The following YAE1 variants were observed in gnomAD, a reference collection of about 807,000 sequenced individuals.
YAE1 encodes protein YAE1 homolog.
Under a neutral mutation model 23.0 loss-of-function variants are expected in YAE1, and 22 were observed. That is an observed-to-expected ratio of 0.96 (90% CI 0.68 to 1.37). The LOEUF is 1.37. Among genes scored for constraint, YAE1 ranks in the 40% most tolerant of loss-of-function variants. The pLI is 0.00. For synonymous variants in YAE1, 101 were observed against 97.0 expected (o/e 1.04, Z -0.24); for missense variants, 260 against 262.1 (o/e 0.99, Z 0.06).
At chr7:39,594,469 T>C (rs1296601990) in intron 2 of YAE1, among the ~76,000 whole-genome samples, 1 of 152,222 alleles carries the variant, frequency 6.6e-6, no homozygotes, top group Non-Finnish European at 1.5e-5. Context: ...ATTTGATTCC[T>C]TTCCATTTTC....
At chr7:39,569,579 A>T (rs541053375) in intron 1 of YAE1, 2 of 561,444 alleles carry the variant, frequency 3.6e-6, no homozygotes, top group East Asian at 8.4e-5. Context: ...TTTCTGAAGG[A>T]CAAAGGCAAC....
intron 2 of YAE1, among the ~76,000 whole-genome samples, chr7:39,597,720 T>C (rs1191450950): frequency 6.6e-6 from 1 of 152,118 alleles, no homozygotes; most frequent in Non-Finnish European, 1.5e-5. Context: ...GGCCCGAAAG[T>C]AGGATTATTT....
rs555757481 is a variant in YAE1 at position 39,606,795 on chromosome 7, AT to A, written c.252-2819del. Among the ~76,000 whole-genome samples the A allele has an allele frequency of 5.6e-4, 86 of 152,352 alleles. 1 individual carries two copies. The highest frequency in any genetic ancestry group is 1.9e-3 in the African/African-American group (81 of 41,586). ...AACTATTGAATAAGTTAAAATCCAAATTTCATCAAATTGTATAACTGCAGAA... is the reference window on the plus strand; with the variant it reads ...AACTATTGAATAAGTTAAAATCCAAATTCATCAAATTGTATAACTGCAGAA... On this transcript the variant is annotated intron_variant, in intron 2 of 2. Coordinates refer to the YAE1 transcript ENST00000432096.
chr7:39,584,785 G>A (rs1209879406), intron 2 of YAE1, among the ~76,000 whole-genome samples: 5 of 152,268 alleles, frequency 3.3e-5, no homozygotes, highest in East Asian at 1.9e-4. Context: ...ATGGGAGGCC[G>A]GGTTGGGAGG....
intron 2 of YAE1, among the ~76,000 whole-genome samples, chr7:39,604,397 A>G (rs570788738): frequency 2.8e-4 from 42 of 152,320 alleles, no homozygotes; most frequent in African/African-American, 9.6e-4. Context: ...ATCAGGATTT[A>G]CTTCTTAGTG....
chr7:39,574,834 G>T (rs1373682276), downstream of YAE1, among the ~76,000 whole-genome samples: 2 of 151,950 alleles, frequency 1.3e-5, no homozygotes, highest in Admixed American at 6.6e-5. Flanking sequence ...GAGTGCAGAA[G>T]GTTGAGGCTG....
At chr7:39,604,850 A>G (rs1270651175) in intron 2 of YAE1, among the ~76,000 whole-genome samples, 1 of 152,202 alleles carries the variant, frequency 6.6e-6, no homozygotes, top group Non-Finnish European at 1.5e-5. Context: ...ATCATATACT[A>G]TGAGGATTAG....
intron 2 of YAE1, 57 bp from the exon 3 acceptor site, chr7:39,572,220 G>A (rs60942815): frequency 0.098 from 145,968 of 1,487,600 alleles, 8,545 homozygotes; most frequent in African/African-American, 0.25. Context: ...TTGAAAGATA[G>A]TCTTATATTT....
chr7:39,590,991 C>T (rs541487881), intron 2 of YAE1, among the ~76,000 whole-genome samples: 33 of 152,298 alleles, frequency 2.2e-4, no homozygotes, highest in African/African-American at 7.0e-4. Flanking sequence ...TATTTTCTCA[C>T]AGTTCTGGAG....
Position 39,572,497 on chromosome 7 carries a change from G to T in YAE1, c.472G>T (p.Glu158Ter). The change falls in exon 3 of 3, where the codon GAA (glutamate) becomes TAA (stop). Residue 158 changes from glutamate to a stop codon, truncating the protein, a stop_gained. Transcript: ENST00000223273. LOFTEE classifies it high-confidence loss of function. Reference protein sequence around the residue: ...AEKKIDEAKDERLCENNAEFN... With the variant: ...AEKKIDEAKD ...GAAAAAGATTGATGAAGCTAAAGAT[G>T]AAAGACTCTGTGAAAATAATGCTGA... The T allele has an allele frequency of 6.2e-7, 1 of 1,614,108 alleles. No homozygotes were observed. Among genetic ancestry groups the T allele is most frequent in the South Asian group, 1.1e-5 (1 of 91,072 alleles).
Position 39,566,493 on chromosome 7 carries a change from C to A in YAE1, c.75C>A (p.Asp25Glu). 1 of 1,614,182 alleles carries A rather than the reference C, an allele frequency of 6.2e-7. No homozygotes were observed. Among genetic ancestry groups the A allele is most frequent in the Non-Finnish European group, 8.5e-7 (1 of 1,180,026 alleles). ...GGGACGTGTTTGACGAAGAAGCAGA[C>A]GAGTCGCTCCTGGCGCAGCGGGAAT... ...DKGDVFDEEA[D>E]ESLLAQREWQ... is the part of the protein sequence containing the mutation. Residue 25 changes from aspartate (D) to glutamate (E), a missense_variant, in exon 1 of 3, where the codon GAC becomes GAA. By Grantham distance (45) the Asp-to-Glu change is conservative (BLOSUM62 2). Transcript: ENST00000223273.
At position 39,572,568 on chromosome 7, in the gene YAE1, A is replaced by T. The variant is rs187716135; in HGVS notation, c.543A>T (p.Ser181=). 3 of 1,614,176 alleles carry T rather than the reference A, an allele frequency of 1.9e-6. No individual in the cohort carries two copies. The highest frequency in any genetic ancestry group is 2.5e-6 in the Non-Finnish European group (3 of 1,179,986). The change falls in exon 3 of 3, where the codon TCA becomes TCT. Residue 181 remains serine (S), a synonymous_variant. Transcript: ENST00000223273. ...AGAGCCATAGTGGGATAGATTGTTC[A>T]TATGTAGAATGTTGTAGAACACAGG... is the stretch of plus-strand genomic sequence containing the variant. ...CSKSHSGIDC[S]YVECCRTQEH...
intron 2 of YAE1, among the ~76,000 whole-genome samples, chr7:39,571,262 ATTTTTTC>A (rs1412540065): frequency 6.8e-6 from 1 of 146,064 alleles, no homozygotes; most frequent in Non-Finnish European, 1.5e-5. Flanking sequence ...TTTTCATGAT[ATTTTTTC>A]TTTTTTCTTT....
downstream of YAE1, among the ~76,000 whole-genome samples, chr7:39,576,880 T>G (rs934326907): frequency 6.6e-6 from 1 of 152,210 alleles, no homozygotes; most frequent in Non-Finnish European, 1.5e-5. Flanking sequence ...GTTACATTCT[T>G]TTGTAAATCT....
chr7:39,566,428 G>C lies in YAE1; in HGVS notation c.10G>C (p.Val4Leu). 6.2e-7 allele frequency: 1 copy of C among 1,614,102 alleles called. No homozygotes were observed. The highest frequency in any genetic ancestry group is 8.5e-7 in the Non-Finnish European group (1 of 1,179,948). Residue 4 changes from valine (V) to leucine (L), a missense_variant, in exon 1 of 3, where the codon GTT becomes CTT. By Grantham distance (32) the Val-to-Leu change is conservative. Transcript: ENST00000223273. MSW[V>L]QAASLIQGPG... is the part of the protein sequence containing the mutation. ...CGTAATTGCCTCGGTGATGTCGTGG[G>C]TTCAAGCAGCCTCCTTGATCCAGGG...
chr7:39,579,970 A>C (rs1790717438), intron 2 of YAE1, among the ~76,000 whole-genome samples: 2 of 152,162 alleles, frequency 1.3e-5, no homozygotes, highest in Admixed American at 1.3e-4. Flanking sequence ...ACCTGAGCCC[A>C]GGAGCTTGAG....
rs142347748 is a variant in YAE1, at chr7:39,567,905, G to A, written c.129+1358G>A. ...CCCCTTCTTGTAAGGTGAAAACTAT[G>A]TATGCCCTTTAAGGAGTATGCTCTT... On this transcript the variant is annotated intron_variant, in intron 1 of 2. Coordinates refer to ENST00000223273, the MANE Select transcript of YAE1 (RefSeq NM_020192.5). Among the ~76,000 whole-genome samples the A allele has an allele frequency of 1.2e-3, 186 of 152,220 alleles. 1 individual carries two copies. The highest frequency in any genetic ancestry group is 4.2e-3 in the African/African-American group (175 of 41,548).
intron 2 of YAE1, among the ~76,000 whole-genome samples, chr7:39,586,537 G>A (rs966887965): frequency 1.3e-5 from 2 of 149,134 alleles, no homozygotes; most frequent in African/African-American, 2.5e-5. Flanking sequence ...TTGCTCTGTC[G>A]CCCAGGCTGG....
intron 2 of YAE1, among the ~76,000 whole-genome samples, chr7:39,601,500 C>A (rs1791053779): frequency 6.6e-6 from 1 of 152,100 alleles, no homozygotes; most frequent in African/African-American, 2.4e-5. Context: ...TGGTTCACGC[C>A]TGTAATCCCA....
Sources: gnomAD v4.1 joint callset for allele counts (sites outside exome capture counted in the v4.1 genomes callset) on GRCh38, gnomAD v4.1.1 for gene constraint, MANE v1.5 for transcripts, NCBI Gene and HGNC (gene_info 2026-07-23, HGNC 2026-07-21) for gene names.